Variants in PLSCR2 observed in about 807,000 individuals in gnomAD.
The protein encoded by PLSCR2 is phospholipid scramblase 2, also known as PL scramblase 2.
Under a neutral mutation model 25.3 loss-of-function variants are expected in PLSCR2, and 18 were observed. The observed-to-expected ratio is 0.71, with a 90% CI of 0.49 to 1.06. The LOEUF (loss-of-function observed/expected upper bound fraction) is 1.06, where lower values mean the gene tolerates loss of function less well. PLSCR2 is among the 50% of genes least tolerant of loss of function. The pLI is 0.00. For missense variants in PLSCR2, 243 were observed against 269.5 expected, an observed-to-expected ratio of 0.90 and a Z score of 0.69; for synonymous variants, 88 against 87.3, an observed-to-expected ratio of 1.01 and a Z score of -0.04.
intron 6 of PLSCR2, among the ~76,000 whole-genome samples, chr3:146,446,615 A>C (rs993113485): frequency 6.6e-6 from 1 of 152,172 alleles, no homozygotes; most frequent in Non-Finnish European, 1.5e-5. Flanking sequence ...CAAAGCCAGC[A>C]CAGCACTGGA....
intron 4 of PLSCR2, 43 bp from the exon 5 acceptor site, chr3:146,454,206 T>C (rs763093718): frequency 7.6e-7 from 1 of 1,318,466 alleles, no homozygotes; most frequent in Non-Finnish European, 1.0e-6. Context: ...ATCATCATAA[T>C]AAAAATATCT....
chr3:146,446,571 GACC>G (rs1214145578), intron 6 of PLSCR2, among the ~76,000 whole-genome samples: 2 of 152,230 alleles, frequency 1.3e-5, no homozygotes, highest in South Asian at 2.1e-4. Flanking sequence ...AAACCCATGT[GACC>G]ACCACCACTA....
chr3:146,391,684 A>C (rs2107960042), intron 3 of PLSCR2: 1 of 152,714 alleles, frequency 6.5e-6, no homozygotes, highest in African/African-American at 2.4e-5. Flanking sequence ...CACAAAACAT[A>C]TTAAAAAGCA....
rs1485420375 is a variant in PLSCR2 at position 146,467,846 on chromosome 3, A to G, written c.-292-7562T>C. ...TGGTAGGGCATTATAGACAGAGGGA[A>G]GCTCACTAGTAGAAGTCCTAAGCTG... On this transcript the variant is annotated intron_variant, in intron 1 of 8. Coordinates refer to the PLSCR2 transcript ENST00000336685. 3.3e-5 allele frequency among the ~76,000 whole-genome samples: 5 copies of G among 152,158 alleles called. 1 individual carries two copies. Among genetic ancestry groups the G allele is most frequent in the Admixed American group, 3.3e-4 (5 of 15,264 alleles).
intron 2 of PLSCR2, among the ~76,000 whole-genome samples, chr3:146,419,472 A>G (rs1188280764): frequency 2.0e-5 from 3 of 152,116 alleles, no homozygotes; most frequent in Non-Finnish European, 1.5e-5. Context: ...ACAGCAAACA[A>G]TGTCCCACTT....
chr3:146,494,252 TA>T (rs2043666167), intron 1 of PLSCR2, among the ~76,000 whole-genome samples: 1 of 152,292 alleles, frequency 6.6e-6, no homozygotes, highest in South Asian at 2.1e-4. Context: ...ACATAGAGAC[TA>T]TTATTTGAAA....
At position 146,444,241 on chromosome 3, in the gene PLSCR2, G is replaced by A. The variant is rs180706868; in HGVS notation, c.646-2420C>T. On this transcript the variant is annotated intron_variant, in intron 6 of 6. Transcript: ENST00000610787. ...TGAGATGAATGTGTATTCTATAAAC[G>A]TTGGATTAACTGTTCTGAAAATATC... Among the ~76,000 whole-genome samples, 120 of 152,028 alleles carry A rather than the reference G, an allele frequency of 7.9e-4. 1 individual carries two copies. Among genetic ancestry groups the A allele is most frequent in the Non-Finnish European group, 1.3e-3 (87 of 67,856 alleles).
At chr3:146,474,403 CAT>C (rs921796013) in intron 1 of PLSCR2, among the ~76,000 whole-genome samples, 3 of 152,076 alleles carry the variant, frequency 2.0e-5, no homozygotes, top group Admixed American at 1.3e-4. Context: ...ATGGTTCTAA[CAT>C]GTGGGTTAAA....
chr3:146,432,029 G>C (rs1329884366), downstream of PLSCR2, among the ~76,000 whole-genome samples: 1 of 151,942 alleles, frequency 6.6e-6, no homozygotes, highest in Non-Finnish European at 1.5e-5. Flanking sequence ...AATGGAGTTG[G>C]CTGCTAGACA....
intron 1 of PLSCR2, among the ~76,000 whole-genome samples, chr3:146,487,454 C>G (rs948704367): frequency 6.6e-6 from 1 of 152,076 alleles, no homozygotes; most frequent in African/African-American, 2.4e-5. Flanking sequence ...AGCTGATAAG[C>G]AAATTCAGCA....
At chr3:146,463,762 G>A (rs1284154231), upstream of PLSCR2, 1 of 535,730 alleles carries the variant, frequency 1.9e-6, no homozygotes, top group East Asian at 1.5e-4. Context: ...ATCCTAAGTG[G>A]TAAATAAGTC....
At chr3:146,464,147 C>T (rs1264200469), upstream of PLSCR2, among the ~76,000 whole-genome samples, 6 of 152,174 alleles carry the variant, frequency 3.9e-5, no homozygotes, top group African/African-American at 1.4e-4. Context: ...TTACATTTTT[C>T]TGCAGTTAAT....
At chr3:146,464,682 T>G (rs1560034222), upstream of PLSCR2, among the ~76,000 whole-genome samples, 1 of 152,214 alleles carries the variant, frequency 6.6e-6, no homozygotes, top group Non-Finnish European at 1.5e-5. Context: ...TACTACACAC[T>G]TCTTTCTAAC....
At chr3:146,453,536 A>G (rs1010340050) in intron 5 of PLSCR2, among the ~76,000 whole-genome samples, 6 of 152,130 alleles carry the variant, frequency 3.9e-5, no homozygotes, top group African/African-American at 1.4e-4. Flanking sequence ...GGTAATACAT[A>G]TTACACTGAC....
chr3:146,465,247 A>G (rs2041809901), upstream of PLSCR2, among the ~76,000 whole-genome samples: 2 of 152,184 alleles, frequency 1.3e-5, no homozygotes, highest in Non-Finnish European at 1.5e-5. Flanking sequence ...TGCCGCATGT[A>G]GCATCTCTCT....
chr3:146,489,996 A>C (rs753843116), intron 1 of PLSCR2, among the ~76,000 whole-genome samples: 4 of 152,064 alleles, frequency 2.6e-5, no homozygotes, highest in Non-Finnish European at 4.4e-5. Context: ...CAAAACCTCA[A>C]CACATTACAG....
intron 1 of PLSCR2, among the ~76,000 whole-genome samples, chr3:146,481,187 C>G (rs534702774): frequency 4.6e-5 from 7 of 152,312 alleles, no homozygotes; most frequent in Non-Finnish European, 8.8e-5. Context: ...CAATGATGCC[C>G]TCTCTCACCA....
chr3:146,395,750 A>G (rs2107978332), intron 3 of PLSCR2: 1 of 164,678 alleles, frequency 6.1e-6, no homozygotes. Context: ...TAGAGTAAAA[A>G]TAGACTCACA....
chr3:146,391,632 A>G (rs1399436324), intron 3 of PLSCR2: 1 of 152,614 alleles, frequency 6.6e-6, no homozygotes, highest in Non-Finnish European at 1.5e-5. Context: ...GGCATTAGAC[A>G]TGAGAATGAT....
Sources: gnomAD v4.1 joint callset for allele counts (sites outside exome capture counted in the v4.1 genomes callset) on GRCh38, gnomAD v4.1.1 for gene constraint, MANE v1.5 for transcripts, NCBI Gene and HGNC (gene_info 2026-07-23, HGNC 2026-07-21) for gene names.